GRIN2A: variants seen among roughly 807,000 people sequenced by gnomAD.
GRIN2A encodes the protein glutamate receptor ionotropic, NMDA 2A.
In GRIN2A, 22 loss-of-function variants were observed where a neutral mutation model predicts 113.4. The ratio of observed to expected loss-of-function variants is 0.19; its 90% CI spans 0.14 to 0.28. GRIN2A has a LOEUF of 0.28. GRIN2A is among the 10% of genes least tolerant of loss of function. The probability of loss-of-function intolerance (pLI) is 1.00; values close to 1 mark genes in which losing one functional copy is unlikely to be tolerated. For synonymous variants in GRIN2A, 827 were observed against 738.4 expected (o/e 1.12, Z -1.94); for missense variants, 1,502 against 1,887.0 (o/e 0.80, Z 3.78).
At position 9,980,427 on chromosome 16, in the gene GRIN2A, G is replaced by C. The variant is rs150989543; in HGVS notation, c.415-41876C>G. On this transcript the variant is annotated intron_variant, in intron 2 of 12. Transcript: ENST00000330684. ...GTTCAACCATTGTGGAAGTCGGTGT[G>C]GCAATTCCTCAGGGATCTACAACTA... 6.3e-3 allele frequency among the ~76,000 whole-genome samples: 961 copies of C among 152,184 alleles called. 9 individuals are homozygous for C. The highest frequency in any genetic ancestry group is 0.022 in the African/African-American group (903 of 41,500).
intron 10 of GRIN2A, among the ~76,000 whole-genome samples, chr16:9,801,317 C>T (rs1056738754): frequency 6.6e-6 from 1 of 152,158 alleles, no homozygotes; most frequent in African/African-American, 2.4e-5. Context: ...TTTCTAAGTA[C>T]CACCCAACTC....
intron 3 of GRIN2A, among the ~76,000 whole-genome samples, chr16:9,892,923 G>A (rs1282834528): frequency 7.4e-6 from 1 of 134,558 alleles, no homozygotes; most frequent in Non-Finnish European, 1.5e-5. Context: ...ATCCAGAGAT[G>A]CTAAAAAGTG....
In GRIN2A at chr16:9,933,387, G is replaced by A. The variant is rs527492136; in HGVS notation, c.1007+4572C>T. 2.0e-5 allele frequency among the ~76,000 whole-genome samples: 3 copies of A among 152,232 alleles called. No homozygotes were observed. In the East Asian group the frequency reaches 5.8e-4, roughly 29 times the overall value. On this transcript the variant is annotated intron_variant, in intron 3 of 12. Coordinates refer to ENST00000330684, the MANE Select transcript of GRIN2A (RefSeq NM_001134407.3). The stretch of plus-strand genomic sequence containing the variant: ...AAATAAAGTCCATGAGGACCACCAA[G>A]TGGCATGTCTAGCTGGCCCCATGAC...
chr16:9,905,714 G>A (rs1001142575), intron 3 of GRIN2A, among the ~76,000 whole-genome samples: 1 of 152,124 alleles, frequency 6.6e-6, no homozygotes, highest in African/African-American at 2.4e-5. Context: ...ATGTATATCA[G>A]AACACTTATT....
At chr16:9,981,069 C>T (rs1299480269) in intron 2 of GRIN2A, among the ~76,000 whole-genome samples, 2 of 151,184 alleles carry the variant, frequency 1.3e-5, no homozygotes, top group Middle Eastern at 3.4e-3. Context: ...AATAGTTTCA[C>T]CCTGTAAAGT....
At chr16:9,967,197 T>G (rs188351931) in intron 2 of GRIN2A, among the ~76,000 whole-genome samples, 2 of 152,282 alleles carry the variant, frequency 1.3e-5, no homozygotes, top group East Asian at 3.9e-4. Context: ...CAAACCTAAG[T>G]GCCCATCAGC....
At chr16:10,001,771 G>A (rs1225829992) in intron 2 of GRIN2A, among the ~76,000 whole-genome samples, 1 of 152,116 alleles carries the variant, frequency 6.6e-6, no homozygotes, top group African/African-American at 2.4e-5. Context: ...AAATTCATGG[G>A]GTAGGCACGG....
chr16:10,026,259 C>G (rs956217764), intron 2 of GRIN2A, among the ~76,000 whole-genome samples: 2 of 152,118 alleles, frequency 1.3e-5, no homozygotes, highest in Non-Finnish European at 2.9e-5. Flanking sequence ...CGTCACCTTC[C>G]TAAGCCTCAG....
intron 2 of GRIN2A, among the ~76,000 whole-genome samples, chr16:10,023,030 GC>G (rs2141901411): frequency 6.6e-6 from 1 of 152,304 alleles, no homozygotes; most frequent in Admixed American, 6.5e-5. Flanking sequence ...GGGGGATATA[GC>G]TTAACTTTCT....
At chr16:10,106,575 T>C (rs1356478533) in intron 2 of GRIN2A, among the ~76,000 whole-genome samples, 2 of 152,090 alleles carry the variant, frequency 1.3e-5, no homozygotes, top group Admixed American at 6.6e-5. Flanking sequence ...GTGACTAGTT[T>C]GTCTCTGAAT....
chr16:9,774,332 T>G (rs572919853), intron 11 of GRIN2A, among the ~76,000 whole-genome samples: 6 of 152,180 alleles, frequency 3.9e-5, no homozygotes, highest in Non-Finnish European at 5.9e-5. Flanking sequence ...CCTTAAGATT[T>G]TGGGGAGCAC....
In GRIN2A at chr16:10,108,172, G is replaced by T. The variant is rs1264587662; in HGVS notation, c.414+71826C>A. 7.2e-5 allele frequency among the ~76,000 whole-genome samples: 11 copies of T among 152,198 alleles called. No individual in the cohort carries two copies. The South Asian group carries it at 2.3e-3, about 32-fold the overall frequency. On this transcript the variant is annotated intron_variant, in intron 2 of 12. Coordinates refer to ENST00000330684, the MANE Select transcript of GRIN2A (RefSeq NM_001134407.3). ...GAAAAAGAGGTTTAATGGACTTACAGTACCACATGGCTGGGAAGGCCTCAC... is the reference window on the plus strand; with the variant it reads ...GAAAAAGAGGTTTAATGGACTTACATTACCACATGGCTGGGAAGGCCTCAC...
At chr16:9,784,974 C>T (rs575704331) in intron 11 of GRIN2A, among the ~76,000 whole-genome samples, 2 of 152,318 alleles carry the variant, frequency 1.3e-5, no homozygotes, top group Admixed American at 1.3e-4. Context: ...GAAATAGGAA[C>T]ACTTACACTG....
intron 4 of GRIN2A, among the ~76,000 whole-genome samples, chr16:9,886,567 T>TC (rs2043590222): frequency 1.3e-5 from 2 of 152,308 alleles, no homozygotes; most frequent in South Asian, 4.1e-4. Flanking sequence ...CCCAGCCGAC[T>TC]CCATCTCCAT....
At chr16:9,783,632 G>A (rs1229944665) in intron 11 of GRIN2A, among the ~76,000 whole-genome samples, 2 of 152,098 alleles carry the variant, frequency 1.3e-5, no homozygotes, top group African/African-American at 2.4e-5. Context: ...ATCACCAAGG[G>A]CTCTGTGTAA....
chr16:10,169,167 T>C (rs921909542), intron 2 of GRIN2A, among the ~76,000 whole-genome samples: 1 of 152,142 alleles, frequency 6.6e-6, no homozygotes, highest in African/African-American at 2.4e-5. Flanking sequence ...ATACTTCTTC[T>C]GAAACTCTTA....
rs138166812 is a variant in GRIN2A at position 9,783,516 on chromosome 16, G to A, written c.2357-14427C>T. Among the ~76,000 whole-genome samples the A allele has an allele frequency of 1.6e-4, 25 of 152,284 alleles. No individual in the cohort carries two copies. The East Asian group carries it at 4.8e-3, about 29-fold the overall frequency. On this transcript the variant is annotated intron_variant, in intron 11 of 12. Transcript: ENST00000330684. ...TTAACATTAAAGCTTATCTGACTAC[G>A]TCTTCCATTCATAGCCTACCCTCAT...
rs71402435 is a variant in GRIN2A at position 10,132,340 on chromosome 16, C to CAAAAAAAAAAAAAAA, written c.414+47643_414+47657dup. Among the ~76,000 whole-genome samples the CAAAAAAAAAAAAAAA allele has an allele frequency of 1.7e-3, 104 of 61,470 alleles. 2 individuals are homozygous for CAAAAAAAAAAAAAAA. Among genetic ancestry groups the CAAAAAAAAAAAAAAA allele is most frequent in the African/African-American group, 2.7e-3 (45 of 16,816 alleles). The allele number at this position is 61,470 out of a possible 152,430, so 40.3% of individuals were successfully genotyped here. A position where few individuals can be genotyped will look rare whatever the true frequency, so the allele number is the denominator to read the frequency against. ...GAATGAGCAGAACAAGACACCGTCT[C>CAAAAAAAAAAAAAAA]AAAAAAAAAAAAAAAAAAGATGTGA... is the stretch of plus-strand genomic sequence containing the variant. On this transcript the variant is annotated intron_variant, in intron 2 of 12. Transcript: ENST00000330684.
chr16:9,977,187 G>C (rs948754723), intron 2 of GRIN2A, among the ~76,000 whole-genome samples: 1 of 152,040 alleles, frequency 6.6e-6, no homozygotes. Flanking sequence ...AGCTACTTGG[G>C]AGGCTGAGGC....
Sources: allele counts gnomAD v4.1 joint callset (sites outside exome capture counted in the v4.1 genomes callset), GRCh38; gene constraint gnomAD v4.1.1; transcripts MANE v1.5; gene names NCBI Gene and HGNC (gene_info 2026-07-23, HGNC 2026-07-21).